The following KLHL8 variants were observed in gnomAD, a reference collection of about 807,000 sequenced individuals.
The protein encoded by KLHL8 is kelch like family member 8.
A neutral mutation model predicts 63.5 loss-of-function variants in KLHL8; 38 were observed. That is an observed-to-expected ratio of 0.60 (90% CI 0.46 to 0.78). KLHL8 has a LOEUF of 0.78. KLHL8 is among the 30% of genes least tolerant of loss of function. The pLI is 0.00. For missense variants in KLHL8, 566 were observed against 752.4 expected (o/e 0.75, Z 2.90); for synonymous variants, 224 against 254.3 (o/e 0.88, Z 1.13).
upstream of KLHL8, chr4:87,221,013 G>A (rs1243959940): frequency 6.6e-6 from 1 of 152,122 alleles, no homozygotes. Context: ...GCTCTACAAA[G>A]GATATACAAA....
chr4:87,189,474 A>C (rs1731391240), intron 2 of KLHL8, among the ~76,000 whole-genome samples: 1 of 152,182 alleles, frequency 6.6e-6, no homozygotes, highest in South Asian at 2.1e-4. Flanking sequence ...AACTTTGAGT[A>C]ATTTTCCAGA....
In KLHL8 at chr4:87,176,965, TAA is replaced by T. The variant is rs969216597; in HGVS notation, c.1097-99_1097-98del. The T allele has an allele frequency of 5.7e-4, 344 of 608,612 alleles. 1 individual carries two copies. Among genetic ancestry groups the T allele is most frequent in the African/African-American group, 1.4e-3 (75 of 52,738 alleles). The allele number at this position is 608,612 out of a possible 1,614,324, so 37.7% of individuals were successfully genotyped here. A position where few individuals can be genotyped will look rare whatever the true frequency, so the allele number is the denominator to read the frequency against. On this transcript the variant is annotated intron_variant, in intron 5 of 9. Coordinates refer to ENST00000273963, the MANE Select transcript of KLHL8 (RefSeq NM_020803.5). ...ACATTATATAATTAAAATATCACCA[TAA>T]GTTAATTTTCAATAATTGCTGTTCT...
At chr4:87,163,832 T>C (rs1489684495) in intron 9 of KLHL8, 46 bp downstream of exon 9, 1 of 1,577,052 alleles carries the variant, frequency 6.3e-7, no homozygotes, top group South Asian at 1.1e-5. Flanking sequence ...TAATCTACTA[T>C]TATACCAGAA....
chr4:87,240,274 AG>A (rs1370759288), exon 1 of KLHL8: 4 of 152,380 alleles, frequency 2.6e-5, no homozygotes, highest in Non-Finnish European at 5.9e-5. Flanking sequence ...TTTAGGTTGT[AG>A]AGGCATTTAC....
At position 87,195,629 on chromosome 4, in the gene KLHL8, A is replaced by G; in HGVS notation, c.-90T>C. ...TAGAGAGAAGGCAGAAGGTAGATGT[A>G]GACACTACAATTCAGACGTTTTTCA... On this transcript the variant is annotated 5_prime_UTR_variant, in exon 2 of 10. Coordinates refer to ENST00000273963, the MANE Select transcript of KLHL8 (RefSeq NM_020803.5). 1 of 1,027,554 alleles carries G rather than the reference A, an allele frequency of 9.7e-7. No homozygotes were observed. Among genetic ancestry groups the G allele is most frequent in the Non-Finnish European group, 1.5e-6 (1 of 679,758 alleles). 63.7% of individuals were successfully genotyped at this position (1,027,554 alleles called of 1,614,324 possible).
At chr4:87,207,044 C>T in intron 1 of KLHL8, 3 of 375,638 alleles carry the variant, frequency 8.0e-6, no homozygotes, top group Non-Finnish European at 1.5e-5. Context: ...CCATTTGACA[C>T]ACAGCTGCAT....
intron 1 of KLHL8, chr4:87,207,566 C>A: frequency 8.7e-7 from 1 of 1,145,120 alleles, no homozygotes; most frequent in Non-Finnish European, 1.3e-6. Context: ...GCGCCCCTGG[C>A]CAATGTCATC....
At chr4:87,223,925 G>A (rs1330773813), upstream of KLHL8, among the ~76,000 whole-genome samples, 1 of 152,094 alleles carries the variant, frequency 6.6e-6, no homozygotes, top group East Asian at 1.9e-4. Context: ...AATAAGTAAG[G>A]ATCTAAGAAA....
chr4:87,237,271 A>G (rs1289692690), intron 1 of KLHL8, among the ~76,000 whole-genome samples: 9 of 152,210 alleles, frequency 5.9e-5, no homozygotes, highest in Admixed American at 3.3e-4. Context: ...GAAGATTATA[A>G]GGACACATAC....
chr4:87,218,524 T>A (rs1344333463), intron 1 of KLHL8, among the ~76,000 whole-genome samples: 1 of 151,976 alleles, frequency 6.6e-6, no homozygotes, highest in Non-Finnish European at 1.5e-5. Context: ...GCCCTAACTT[T>A]CTTCTTAATG....
At chr4:87,202,059 G>A (rs1358866835) in intron 1 of KLHL8, among the ~76,000 whole-genome samples, 2 of 150,778 alleles carry the variant, frequency 1.3e-5, no homozygotes, top group East Asian at 3.9e-4. Flanking sequence ...GCAGTGAGCC[G>A]AGATCACACC....
intron 2 of KLHL8, among the ~76,000 whole-genome samples, chr4:87,189,748 C>T (rs376954682): frequency 1.1e-4 from 17 of 151,910 alleles, no homozygotes; most frequent in East Asian, 5.8e-4. Flanking sequence ...TAGTAAAGGC[C>T]GGGCGCAGCT....
rs550552493 is a variant in KLHL8 at position 87,235,888 on chromosome 4, C to A, written n.57+4370G>T. 4.1e-5 allele frequency among the ~76,000 whole-genome samples: 6 copies of A among 145,844 alleles called. No individual in the cohort carries two copies. The East Asian group carries it at 8.6e-4, about 21-fold the overall frequency. On this transcript the variant is annotated intron_variant and non_coding_transcript_variant, in intron 1 of 1. Transcript: ENST00000506274. ...AGCGGAGAGGTTGCGGGCCGCGGGG[C>A]GGGTCGGTGGGGAGGAGGGTGCGGG...
At chr4:87,193,054 C>T (rs764202442) in intron 2 of KLHL8, among the ~76,000 whole-genome samples, 1 of 152,080 alleles carries the variant, frequency 6.6e-6, no homozygotes, top group African/African-American at 2.4e-5. Context: ...ACACTGTACA[C>T]TTATGCTACA....
upstream of KLHL8, among the ~76,000 whole-genome samples, chr4:87,222,579 ATTTAT>A (rs1429710878): frequency 6.6e-6 from 1 of 151,856 alleles, no homozygotes. Context: ...TTATTTATTT[ATTTAT>A]TTTATTTTAT....
At chr4:87,177,682 A>G (rs1730882566) in intron 5 of KLHL8, among the ~76,000 whole-genome samples, 1 of 152,040 alleles carries the variant, frequency 6.6e-6, no homozygotes, top group African/African-American at 2.4e-5. Flanking sequence ...TGACTGCTCA[A>G]TGCAGCCTCA....
intron 1 of KLHL8, among the ~76,000 whole-genome samples, chr4:87,214,459 T>TAA (rs1553949084): frequency 5.3e-4 from 68 of 129,046 alleles, no homozygotes; most frequent in African/African-American, 1.5e-3. Context: ...TATATATATA[T>TAA]AATTGTCATC....
chr4:87,237,512 T>C (rs1490505958), intron 1 of KLHL8, among the ~76,000 whole-genome samples: 3 of 152,132 alleles, frequency 2.0e-5, no homozygotes, highest in African/African-American at 7.2e-5. Context: ...ACAAACAACA[T>C]ACTGATGCAG....
At chr4:87,166,277 G>T (rs1730395255) in intron 8 of KLHL8, among the ~76,000 whole-genome samples, 1 of 152,166 alleles carries the variant, frequency 6.6e-6, no homozygotes, top group South Asian at 2.1e-4. Flanking sequence ...GAAAGATTCA[G>T]CATTACTTCT....
Sources: gnomAD v4.1 joint callset for allele counts (sites outside exome capture counted in the v4.1 genomes callset) on GRCh38, gnomAD v4.1.1 for gene constraint, MANE v1.5 for transcripts, NCBI Gene and HGNC (gene_info 2026-07-23, HGNC 2026-07-21) for gene names.